The following JAKMIP1 variants were observed in gnomAD, a reference collection of about 807,000 sequenced individuals.
The protein encoded by JAKMIP1 is janus kinase and microtubule-interacting protein 1.
A neutral mutation model predicts 113.0 loss-of-function variants in JAKMIP1; 33 were observed. The observed-to-expected ratio is 0.29, with a 90% CI of 0.22 to 0.39. JAKMIP1 has a LOEUF of 0.39. Among genes scored for constraint, JAKMIP1 ranks in the 10% least tolerant of loss-of-function variants. The probability of loss-of-function intolerance (pLI) is 1.00; values close to 1 mark genes in which losing one functional copy is unlikely to be tolerated. For synonymous variants in JAKMIP1, 480 were observed against 459.9 expected (o/e 1.04, Z -0.56); for missense variants, 813 against 1,080.5 (o/e 0.75, Z 3.47).
chr4:6,043,593 T>C (rs1363295739), intron 16 of JAKMIP1, among the ~76,000 whole-genome samples: 1 of 150,686 alleles, frequency 6.6e-6, no homozygotes, highest in African/African-American at 2.4e-5. Flanking sequence ...TGGGGAAGAG[T>C]GCCCCCTCCT....
Position 6,153,517 on chromosome 4 carries a change from C to T in JAKMIP1, c.-147-40520G>A, listed in dbSNP as rs991823269. Among the ~76,000 whole-genome samples, 1 of 152,236 alleles carries T rather than the reference C, an allele frequency of 6.6e-6. No individual in the cohort carries two copies. The highest frequency in any genetic ancestry group is 2.4e-5 in the African/African-American group (1 of 41,464). On this transcript the variant is annotated intron_variant, in intron 1 of 20. Coordinates refer to ENST00000409021, the MANE Select transcript of JAKMIP1 (RefSeq NM_001099433.2). This position sits in a 1 kb window ranked among gnomAD's most constrained non-coding sequence, Gnocchi z 4.9. ...GCCGCTGTGACTTCTGCATAAAATG[C>T]ATGGTTCTTCTTTTCTTAAAATTAG...
chr4:6,032,711 G>T (rs1712894634), intron 19 of JAKMIP1, among the ~76,000 whole-genome samples: 1 of 152,088 alleles, frequency 6.6e-6, no homozygotes, highest in Non-Finnish European at 1.5e-5. Context: ...GCAAAACACA[G>T]CTCCATGACG....
In JAKMIP1 at chr4:6,076,295, C is replaced by T. The variant is rs915360011; in HGVS notation, c.1302+2644G>A. Among the ~76,000 whole-genome samples the T allele has an allele frequency of 1.3e-5, 2 of 152,148 alleles. No individual in the cohort carries two copies. Among genetic ancestry groups the T allele is most frequent in the Admixed American group, 6.5e-5 (1 of 15,270 alleles). On this transcript the variant is annotated intron_variant, in intron 8 of 20. Coordinates refer to ENST00000409021, the MANE Select transcript of JAKMIP1 (RefSeq NM_001099433.2). This position sits in a 1 kb window ranked among gnomAD's most constrained non-coding sequence, Gnocchi z 4.8. ...TCTAATGTCAATGTGCAGAAATTTG[C>T]CCCGTGTTCGACTTGGCTTGGTGGG...
chr4:6,196,539 G>A (rs1475064911), intron 1 of JAKMIP1, among the ~76,000 whole-genome samples: 4 of 152,198 alleles, frequency 2.6e-5, no homozygotes, highest in Non-Finnish European at 4.4e-5. Context: ...CGGACATGAC[G>A]GTGACGTGCT....
At chr4:6,045,527 C>T (rs1183990279) in intron 16 of JAKMIP1, among the ~76,000 whole-genome samples, 2 of 152,210 alleles carry the variant, frequency 1.3e-5, no homozygotes, top group African/African-American at 4.8e-5. Context: ...GAAATCAACA[C>T]AGGCACATCA....
chr4:6,196,040 G>T (rs1727789786), intron 1 of JAKMIP1, among the ~76,000 whole-genome samples: 1 of 152,180 alleles, frequency 6.6e-6, no homozygotes, highest in South Asian at 2.1e-4. Flanking sequence ...ACTTATGAAA[G>T]GCATAACACT....
At chr4:6,133,427 CAG>C (rs1380624107) in intron 1 of JAKMIP1, among the ~76,000 whole-genome samples, 7 of 152,192 alleles carry the variant, frequency 4.6e-5, no homozygotes, top group African/African-American at 1.7e-4. Flanking sequence ...AATAGAGAGA[CAG>C]AGCCCATGTT....
intron 20 of JAKMIP1, among the ~76,000 whole-genome samples, chr4:6,028,771 G>A (rs193101356): frequency 4.1e-4 from 62 of 152,308 alleles, no homozygotes; most frequent in African/African-American, 8.9e-4. Flanking sequence ...CAGGCATGCC[G>A]GCCACGGACC....
rs936749412 is a variant in JAKMIP1 at position 6,059,890 on chromosome 4, C to T, written c.1644+534G>A. 1.3e-5 allele frequency among the ~76,000 whole-genome samples: 2 copies of T among 151,976 alleles called. No homozygotes were observed. The highest frequency in any genetic ancestry group is 4.8e-5 in the African/African-American group (2 of 41,322). ...CCCCACTCCAGGGGACAGGTCTAGG[C>T]CCAGGCATTGCTTTTCTGCTGTGTC... On this transcript the variant is annotated intron_variant, in intron 11 of 20. Transcript: ENST00000409021. The surrounding 1 kb of genome is among the most constrained non-coding windows in gnomAD (Gnocchi z 4.8).
rs778956404 is a variant in JAKMIP1 at position 6,080,486 on chromosome 4, C to T, written c.1102-174G>A. 2.6e-5 allele frequency among the ~76,000 whole-genome samples: 4 copies of T among 152,070 alleles called. No individual in the cohort carries two copies. Among genetic ancestry groups the T allele is most frequent in the East Asian group, 1.9e-4 (1 of 5,186 alleles). On this transcript the variant is annotated intron_variant, in intron 6 of 20. Coordinates refer to ENST00000409021, the MANE Select transcript of JAKMIP1 (RefSeq NM_001099433.2). The surrounding 1 kb of genome is among the most constrained non-coding windows in gnomAD (Gnocchi z 6.0). ...CCCACCCAAATCTCATCTTGAATTG[C>T]GGCTCCCAGAACTCCCGTGTGTTGT...
intron 1 of JAKMIP1, among the ~76,000 whole-genome samples, chr4:6,148,683 C>T (rs1721178720): frequency 6.6e-6 from 1 of 152,244 alleles, no homozygotes; most frequent in East Asian, 1.9e-4. Context: ...TAAACGGCAG[C>T]CCTGCGTTCT....
chr4:6,141,704 G>A lies in JAKMIP1; in HGVS notation c.-147-28707C>T, dbSNP rs2108962345. Among the ~76,000 whole-genome samples the A allele has an allele frequency of 6.6e-6, 1 of 152,318 alleles. No individual in the cohort carries two copies. The highest frequency in any genetic ancestry group is 1.9e-4 in the East Asian group (1 of 5,174). On this transcript the variant is annotated intron_variant, in intron 1 of 20. Transcript: ENST00000409021. This position sits in a 1 kb window ranked among gnomAD's most constrained non-coding sequence, Gnocchi z 9.4. ...CCCTGGTCCACAGAAGCCAGGTGGA[G>A]AAATGCAAGAGCTATTTCTGCACCA...
chr4:6,199,850 C>T lies in JAKMIP1; in HGVS notation c.-148+403G>A, dbSNP rs1479171379. ...GACGGGCCGGCCACACCCCCCGCGC[C>T]ACTCCGGCAGGCACCGGGTGGGTCC... On this transcript the variant is annotated intron_variant, in intron 1 of 20. Transcript: ENST00000409021. This position sits in a 1 kb window ranked among gnomAD's most constrained non-coding sequence, Gnocchi z 5.6. 6.6e-6 allele frequency among the ~76,000 whole-genome samples: 1 copy of T among 151,642 alleles called. No homozygotes were observed. The highest frequency in any genetic ancestry group is 2.4e-5 in the African/African-American group (1 of 41,316).
At chr4:6,033,757 A>G (rs73071580) in intron 19 of JAKMIP1, among the ~76,000 whole-genome samples, 14,323 of 152,292 alleles carry the variant, frequency 0.094, 921 homozygotes, top group African/African-American at 0.18. Context: ...GGGGAAAAAA[A>G]TCACTGTAAT....
chr4:6,031,477 G>A lies in JAKMIP1; in HGVS notation c.2380-1696C>T, dbSNP rs906614645. 1.8e-4 allele frequency among the ~76,000 whole-genome samples: 27 copies of A among 152,238 alleles called. No individual in the cohort carries two copies. Among genetic ancestry groups the A allele is most frequent in the African/African-American group, 5.1e-4 (21 of 41,570 alleles). Reference sequence around the variant, plus strand: ...TATCGTGCCGTGGGCTGGAGGAGACGTGGAACCCAGCAGGGTTAGTTCACC... The same window carrying A: ...TATCGTGCCGTGGGCTGGAGGAGACATGGAACCCAGCAGGGTTAGTTCACC... On this transcript the variant is annotated intron_variant, in intron 19 of 20. Coordinates refer to ENST00000409021, the MANE Select transcript of JAKMIP1 (RefSeq NM_001099433.2). This position sits in a 1 kb window ranked among gnomAD's most constrained non-coding sequence, Gnocchi z 4.4.
intron 3 of JAKMIP1, among the ~76,000 whole-genome samples, chr4:6,098,426 T>A (rs1425612592): frequency 4.2e-5 from 6 of 143,784 alleles, no homozygotes; most frequent in Non-Finnish European, 7.5e-5. Flanking sequence ...AGAGTGAAAC[T>A]TCATCTGAAG....
intron 18 of JAKMIP1, among the ~76,000 whole-genome samples, chr4:6,039,993 G>A (rs1714105786): frequency 6.6e-6 from 1 of 152,186 alleles, no homozygotes; most frequent in Non-Finnish European, 1.5e-5. Context: ...TTCCTACAAG[G>A]AATGACATTG....
intron 1 of JAKMIP1, among the ~76,000 whole-genome samples, chr4:6,160,338 A>G (rs985254540): frequency 1.3e-5 from 2 of 152,214 alleles, no homozygotes; most frequent in Middle Eastern, 3.2e-3. Flanking sequence ...GCAACAACCA[A>G]TTAGTGGATA....
At chr4:6,039,523 C>A (rs1310135524) in intron 18 of JAKMIP1, among the ~76,000 whole-genome samples, 1 of 152,256 alleles carries the variant, frequency 6.6e-6, no homozygotes, top group African/African-American at 2.4e-5. Context: ...ATGGCCCAGC[C>A]TGCAGGGTGT....
Sources: gnomAD v4.1 joint callset for allele counts (sites outside exome capture counted in the v4.1 genomes callset) on GRCh38, gnomAD v4.1.1 for gene constraint, Gnocchi (gnomAD v3.1) non-coding constraint, MANE v1.5 for transcripts, NCBI Gene and HGNC (gene_info 2026-07-23, HGNC 2026-07-21) for gene names.